The following AK8 variants were observed in gnomAD, a reference collection of about 807,000 sequenced individuals.
AK8 encodes adenylate kinase 8, also known as ATP-AMP transphosphorylase 8.
AK8 carries 44 observed loss-of-function variants against 54.6 expected under a neutral mutation model. The ratio of observed to expected loss-of-function variants is 0.81; its 90% CI spans 0.63 to 1.04. AK8 has a LOEUF of 1.04. AK8 is among the 50% of genes least tolerant of loss of function. AK8 has a pLI of 0.00. For synonymous variants in AK8, 239 were observed against 245.6 expected, an observed-to-expected ratio of 0.97 and a Z score of 0.25; for missense variants, 555 against 613.6, an observed-to-expected ratio of 0.90 and a Z score of 1.01.
chr9:132,795,054 G>C (rs937546486), intron 10 of AK8, among the ~76,000 whole-genome samples: 1 of 152,220 alleles, frequency 6.6e-6, no homozygotes, highest in Admixed American at 6.5e-5. Flanking sequence ...GTCAGGGCGT[G>C]CCAGCAAAGA....
At chr9:132,774,111 A>AT (rs1168570481) in intron 11 of AK8, among the ~76,000 whole-genome samples, 1 of 151,964 alleles carries the variant, frequency 6.6e-6, no homozygotes, top group Non-Finnish European at 1.5e-5. Context: ...GGCAGACCTT[A>AT]TTGGGATGCA....
At chr9:132,878,327 C>T (rs547779089), upstream of AK8, 2 of 1,298,868 alleles carry the variant, frequency 1.5e-6, no homozygotes, top group East Asian at 3.0e-5. This position sits in a 1 kb window ranked among gnomAD's most constrained non-coding sequence, Gnocchi z 4.7. Flanking sequence ...GTCATCAGCA[C>T]GCGCCGCGGC....
chr9:132,742,202 TCTCATTCTGTTGCTC>T (rs1207858603), intron 11 of AK8, among the ~76,000 whole-genome samples: 1 of 140,144 alleles, frequency 7.1e-6, no homozygotes, highest in East Asian at 2.1e-4. Context: ...AGAGATAGAG[TCTCATTCTGTTGCTC>T]AGGCTGGAGT....
chr9:132,813,233 A>G (rs1841159089), intron 10 of AK8, among the ~76,000 whole-genome samples: 1 of 152,110 alleles, frequency 6.6e-6, no homozygotes, highest in Non-Finnish European at 1.5e-5. Context: ...TACACAGATC[A>G]TTGCGTCTGA....
At position 132,828,644 on chromosome 9, in the gene AK8, C is replaced by A. The variant is rs1284165716; in HGVS notation, c.484+1G>T. On this transcript the variant is annotated splice_donor_variant, in intron 6 of 12. Transcript: ENST00000298545. LOFTEE classifies it high-confidence loss of function. ...GTGGGGGACCCTTGGGAGCTACTCACTGACGTGTCTGGGTGTGATCCCCAG... is the reference window on the plus strand; with the variant it reads ...GTGGGGGACCCTTGGGAGCTACTCAATGACGTGTCTGGGTGTGATCCCCAG... The A allele has an allele frequency of 6.2e-7, 1 of 1,611,012 alleles. No homozygotes were observed. Among genetic ancestry groups the A allele is most frequent in the Non-Finnish European group, 8.5e-7 (1 of 1,178,798 alleles).
At chr9:132,862,812 G>A (rs1183515729) in intron 4 of AK8, among the ~76,000 whole-genome samples, 2 of 152,104 alleles carry the variant, frequency 1.3e-5, no homozygotes, top group Non-Finnish European at 2.9e-5. Context: ...CTTTGAAGCT[G>A]CCTTTGTGGG....
chr9:132,784,736 T>G (rs192305628), intron 11 of AK8, among the ~76,000 whole-genome samples: 1 of 152,010 alleles, frequency 6.6e-6, no homozygotes, highest in Non-Finnish European at 1.5e-5. Flanking sequence ...TTCTCAAGTA[T>G]GCAAAAATTC....
intron 4 of AK8, among the ~76,000 whole-genome samples, chr9:132,855,923 G>A (rs919554112): frequency 1.3e-5 from 2 of 151,938 alleles, no homozygotes; most frequent in African/African-American, 4.8e-5. Flanking sequence ...GGCCCTGACT[G>A]GTCTAAGCCA....
chr9:132,751,904 G>A (rs537231846), intron 11 of AK8, among the ~76,000 whole-genome samples: 2 of 151,550 alleles, frequency 1.3e-5, no homozygotes, highest in Non-Finnish European at 2.9e-5. Context: ...GCAGTGGCGC[G>A]ATCTGGGCTC....
At chr9:132,757,114 C>T (rs1285867398) in intron 11 of AK8, among the ~76,000 whole-genome samples, 3 of 151,870 alleles carry the variant, frequency 2.0e-5, no homozygotes, top group South Asian at 2.1e-4. Flanking sequence ...CCGTGGGCAC[C>T]CGACAGATGA....
chr9:132,808,591 G>A (rs923308111), intron 10 of AK8, among the ~76,000 whole-genome samples: 1 of 152,208 alleles, frequency 6.6e-6, no homozygotes, highest in Non-Finnish European at 1.5e-5. Flanking sequence ...CAGAGGTCAC[G>A]GCTGGGACAT....
intron 11 of AK8, among the ~76,000 whole-genome samples, chr9:132,738,883 T>C (rs1485189869): frequency 6.6e-6 from 1 of 151,438 alleles, no homozygotes; most frequent in Non-Finnish European, 1.5e-5. Flanking sequence ...GTCCCCCAAG[T>C]AGCTGGGACC....
intron 2 of AK8, among the ~76,000 whole-genome samples, chr9:132,871,784 G>A (rs1843847742): frequency 6.6e-6 from 1 of 152,244 alleles, no homozygotes; most frequent in African/African-American, 2.4e-5. Flanking sequence ...GAGGGTGGGA[G>A]GAGGAGACAA....
chr9:132,800,950 A>G (rs933310213), intron 10 of AK8, among the ~76,000 whole-genome samples: 4 of 134,130 alleles, frequency 3.0e-5, no homozygotes, highest in Non-Finnish European at 4.6e-5. Context: ...GAGACGGAGT[A>G]GTCTCGCTCT....
chr9:132,734,542 C>T (rs1274997681), intron 11 of AK8, among the ~76,000 whole-genome samples: 1 of 152,084 alleles, frequency 6.6e-6, no homozygotes, highest in African/African-American at 2.4e-5. Context: ...TCAAGACCAA[C>T]CTGGGCAACA....
intron 12 of AK8, 32 bp downstream of exon 12, chr9:132,727,422 A>C: frequency 1.2e-6 from 2 of 1,600,272 alleles, no homozygotes; most frequent in Middle Eastern, 1.7e-4. Context: ...GGCAGTCCCC[A>C]GACTGCCAAC....
intron 11 of AK8, among the ~76,000 whole-genome samples, chr9:132,774,211 A>G (rs1370179594): frequency 6.6e-6 from 1 of 151,960 alleles, no homozygotes; most frequent in African/African-American, 2.4e-5. Flanking sequence ...CTGGATGGAC[A>G]CTGTCTCGTG....
Position 132,846,818 on chromosome 9 carries a change from C to T in AK8, c.402+8039G>A, listed in dbSNP as rs527516767. On this transcript the variant is annotated intron_variant, in intron 5 of 12. Coordinates refer to ENST00000298545, the MANE Select transcript of AK8 (RefSeq NM_152572.3). ...CCTGGTCTACCCTGGCCAGCCCTGC[C>T]GCTTCCCCCGGTGTGGCTCTGGGCG... Among the ~76,000 whole-genome samples, 4 of 152,326 alleles carry T rather than the reference C, an allele frequency of 2.6e-5. No individual in the cohort carries two copies. In the South Asian group the frequency reaches 6.2e-4, roughly 24 times the overall value.
At chr9:132,734,915 C>T (rs1281694732) in intron 11 of AK8, among the ~76,000 whole-genome samples, 1 of 152,170 alleles carries the variant, frequency 6.6e-6, no homozygotes, top group Admixed American at 6.5e-5. Context: ...CCTGTAGTCC[C>T]AGCTACTCAG....
Sources: gnomAD v4.1 joint callset for allele counts (sites outside exome capture counted in the v4.1 genomes callset) on GRCh38, gnomAD v4.1.1 for gene constraint, Gnocchi (gnomAD v3.1) non-coding constraint, MANE v1.5 for transcripts, NCBI Gene and HGNC (gene_info 2026-07-23, HGNC 2026-07-21) for gene names.